The following TMEM239 variants were observed in gnomAD, a reference collection of about 807,000 sequenced individuals.
TMEM239 encodes the protein transmembrane protein 239.
TMEM239 carries 10 observed loss-of-function variants against 14.6 expected under a neutral mutation model. The observed-to-expected ratio is 0.68, with a 90% CI of 0.42 to 1.16. The LOEUF (loss-of-function observed/expected upper bound fraction) is 1.16, where lower values mean the gene tolerates loss of function less well. Among genes scored for constraint, TMEM239 ranks in the 50% most tolerant of loss-of-function variants. TMEM239 has a pLI of 0.00. For missense variants in TMEM239, 183 were observed against 194.4 expected (o/e 0.94, Z 0.35); for synonymous variants, 94 against 89.9 (o/e 1.05, Z -0.26).
rs528147776 is a variant in TMEM239, at chr20:2,816,461, G to A, written c.-12+46G>A. ...CTGTAGCCCCACCCCACGCACACTG[G>A]TGCCCTCCTGACCCCTGCACCCCCT... On this transcript the variant is annotated intron_variant, in intron 1 of 1. Transcript: ENST00000380585. 5.4e-3 allele frequency: 8,248 copies of A among 1,532,796 alleles called. 32 individuals are homozygous for A. Among genetic ancestry groups the A allele is most frequent in the Non-Finnish European group, 6.5e-3 (7,456 of 1,145,770 alleles). 94.9% of individuals were successfully genotyped at this position (1,532,796 alleles called of 1,614,324 possible). A position where few individuals can be genotyped will look rare whatever the true frequency, so the allele number is the denominator to read the frequency against.
chr20:2,816,219 G>T, upstream of TMEM239: 4 of 860,422 alleles, frequency 4.6e-6, no homozygotes, highest in Non-Finnish European at 7.2e-6. Context: ...TGCCAGCCTG[G>T]AGGGTCCGTG....
rs1406714651 is a variant in TMEM239 at position 2,816,741 on chromosome 20, TG to T, written c.191del (p.Gly64ValfsTer12). 2 of 1,550,630 alleles carry T rather than the reference TG, an allele frequency of 1.3e-6. No homozygotes were observed. The highest frequency in any genetic ancestry group is 2.4e-5 in the East Asian group (1 of 40,910). ...NWRQPLQRLLWGLEGILYLLL... is the reference protein window; with the variant it reads ...NWRQPLQRLLXGLEGILYLLL... The stretch of plus-strand genomic sequence containing the variant: ...GCGGCAACCGCTGCAGCGCCTGCTG[TG>T]GGGTCTGGAGGGGATACTCTACCTG... On this transcript the variant is annotated frameshift_variant, in exon 2 of 2. Transcript: ENST00000380585. LOFTEE classifies it high-confidence loss of function.
chr20:2,815,839 C>CCTTTT (rs3830832), upstream of TMEM239: 317,359 of 1,357,304 alleles, frequency 0.23, 41,644 homozygotes, highest in South Asian at 0.36. Context: ...CATCAGGCCC[C>CCTTTT]CTTTTCTCCT....
In TMEM239 at chr20:2,817,213, G is replaced by T. The variant is rs373456479; in HGVS notation, c.*200G>T. On this transcript the variant is annotated 3_prime_UTR_variant, in exon 2 of 2. Transcript: ENST00000380585. Reference sequence around the variant, plus strand: ...CAGGTTCCTGGTGTGAGGGGCTGGGGGCTTTGAGAAGAGGGGGCAAGACAG... The same window carrying T: ...CAGGTTCCTGGTGTGAGGGGCTGGGTGCTTTGAGAAGAGGGGGCAAGACAG... 1 of 699,786 alleles carries T rather than the reference G, an allele frequency of 1.4e-6. No individual in the cohort carries two copies. Among genetic ancestry groups the T allele is most frequent in the Non-Finnish European group, 2.3e-6 (1 of 427,954 alleles). 43.3% of individuals were successfully genotyped at this position (699,786 alleles called of 1,614,324 possible). A position where few individuals can be genotyped will look rare whatever the true frequency, so the allele number is the denominator to read the frequency against.
Position 2,816,921 on chromosome 20 carries a change from T to G in TMEM239, c.367T>G (p.Ser123Ala). 1 of 1,539,708 alleles carries G rather than the reference T, an allele frequency of 6.5e-7. No individual in the cohort carries two copies. Among genetic ancestry groups the G allele is most frequent in the South Asian group, 1.2e-5 (1 of 84,054 alleles). Reference sequence around the variant, plus strand: ...TCTGCCTGCCCTCCTCTTCACGGCCTCCTTCCTGCTGCTCTTCTCCACACT... The same window carrying G: ...TCTGCCTGCCCTCCTCTTCACGGCCGCCTTCCTGCTGCTCTTCTCCACACT... ...SALPALLFTA[S>A]FLLLFSTLLS... The change falls in exon 2 of 2, where the codon TCC (serine) becomes GCC (alanine). Residue 123 changes from serine to alanine, a missense_variant. Physicochemically the swap from Ser to Ala is moderately conservative, Grantham distance 99. Coordinates refer to ENST00000380585, the MANE Select transcript of TMEM239 (RefSeq NM_001167670.3).
At chr20:2,816,284 C>A (rs2088667690), upstream of TMEM239, 2 of 1,494,382 alleles carry the variant, frequency 1.3e-6, no homozygotes, top group African/African-American at 2.8e-5. Flanking sequence ...TTGGCTGGAC[C>A]CCACCCCAGC....
downstream of TMEM239, chr20:2,818,827 G>T (rs1482993634): frequency 6.6e-6 from 1 of 152,256 alleles, no homozygotes; most frequent in Admixed American, 6.5e-5. Context: ...TGGCATGTGA[G>T]TGAAGGACCT....
chr20:2,816,117 CA>C (rs1481104409), upstream of TMEM239, among the ~76,000 whole-genome samples: 10 of 152,140 alleles, frequency 6.6e-5, no homozygotes, highest in African/African-American at 2.4e-4. Context: ...GGATATCAGC[CA>C]GCAGGGAAAG....
rs1174155382 is a variant in TMEM239 at position 2,816,834 on chromosome 20, C to A, written c.280C>A (p.Pro94Thr). Residue 94 changes from proline (P) to threonine (T), a missense_variant, in exon 2 of 2, where the codon CCT becomes ACT. By Grantham distance (38) the Pro-to-Thr change is conservative. Coordinates refer to ENST00000380585, the MANE Select transcript of TMEM239 (RefSeq NM_001167670.3). ...CTCCCACCTGCTGAGCTCCTTGTGGCCTGTCGTGGCCGCGGTGTGGCGCCA... is the reference window on the plus strand; with the variant it reads ...CTCCCACCTGCTGAGCTCCTTGTGGACTGTCGTGGCCGCGGTGTGGCGCCA... The part of the protein sequence containing the change: ...TGSHLLSSLW[P>T]VVAAVWRHLL... 1.9e-6 allele frequency: 3 copies of A among 1,549,650 alleles called. No homozygotes were observed. The highest frequency in any genetic ancestry group is 4.9e-5 in the East Asian group (2 of 40,936).
rs139086704 is a variant in TMEM239 at position 2,816,840 on chromosome 20, G to A, written c.286G>A (p.Val96Met). ...CCTGCTGAGCTCCTTGTGGCCTGTC[G>A]TGGCCGCGGTGTGGCGCCACCTGCT... ...SHLLSSLWPV[V>M]AAVWRHLLPA... Residue 96 changes from valine (V) to methionine (M), a missense_variant, in exon 2 of 2, where the codon GTG becomes ATG. Val to Met is a conservative substitution (Grantham distance 21, BLOSUM62 1). Coordinates refer to ENST00000380585, the MANE Select transcript of TMEM239 (RefSeq NM_001167670.3). The A allele has an allele frequency of 4.8e-5, 74 of 1,549,034 alleles. No individual in the cohort carries two copies. In the Admixed American group the frequency reaches 1.1e-3, roughly 23 times the overall value.
chr20:2,819,146 T>TG (rs1034786015), downstream of TMEM239: 1 of 152,270 alleles, frequency 6.6e-6, no homozygotes, highest in African/African-American at 2.4e-5. Context: ...CCAGGCTGCC[T>TG]GGCCTAGATC....
At position 2,816,875 on chromosome 20, in the gene TMEM239, C is replaced by T. The variant is rs765141732; in HGVS notation, c.321C>T (p.Leu107=). 16 of 1,544,868 alleles carry T rather than the reference C, an allele frequency of 1.0e-5. No homozygotes were observed. Among genetic ancestry groups the T allele is most frequent in the Non-Finnish European group, 1.4e-5 (16 of 1,146,994 alleles). Residue 107 remains leucine, a synonymous_variant, in exon 2 of 2, where the codon CTC becomes CTT. Transcript: ENST00000380585. ...TGTGGCGCCACCTGCTACCGGCTCT[C>T]CTGCTGCTGGTGCTCAGTGCTCTGC... The part of the protein sequence containing the change: ...AAVWRHLLPA[L]LLLVLSALPA...
chr20:2,816,162 C>T (rs142226439), upstream of TMEM239: 280 of 622,960 alleles, frequency 4.5e-4, 2 homozygotes, highest in East Asian at 6.5e-3. Context: ...GAGGGCTTCC[C>T]ATGAGAAAGC....
chr20:2,816,745 G>A lies in TMEM239; in HGVS notation c.191G>A (p.Gly64Asp), dbSNP rs1334404377. Reference protein sequence around the residue: ...WRQPLQRLLWGLEGILYLLLA... With the variant: ...WRQPLQRLLWDLEGILYLLLA... ...CAACCGCTGCAGCGCCTGCTGTGGG[G>A]TCTGGAGGGGATACTCTACCTGCTG... The change falls in exon 2 of 2, where the codon GGT becomes GAT. Residue 64 changes from glycine (G) to aspartate (D), a missense_variant. Coordinates refer to ENST00000380585, the MANE Select transcript of TMEM239 (RefSeq NM_001167670.3). The A allele has an allele frequency of 7.1e-6, 11 of 1,550,724 alleles. No homozygotes were observed. The highest frequency in any genetic ancestry group is 1.4e-5 in the African/African-American group (1 of 73,042).
At chr20:2,820,161 G>A (rs1345053187), downstream of TMEM239, 3 of 152,068 alleles carry the variant, frequency 2.0e-5, no homozygotes, top group Non-Finnish European at 4.4e-5. Flanking sequence ...GACAATTTTT[G>A]GCAAGAACAC....
At chr20:2,815,860 G>A, upstream of TMEM239, 4 of 1,199,476 alleles carry the variant, frequency 3.3e-6, no homozygotes, top group Non-Finnish European at 3.6e-6. Flanking sequence ...TCCTGGCTGG[G>A]CAGGTGGGAT....
At chr20:2,819,121 T>A (rs1346929386), downstream of TMEM239, 1 of 152,268 alleles carries the variant, frequency 6.6e-6, no homozygotes, top group Non-Finnish European at 1.5e-5. Flanking sequence ...GGATCCCATG[T>A]GGTGAGGGCA....
rs1600279482 is a variant in TMEM239, at chr20:2,816,663, T to G, written c.109T>G (p.Trp37Gly). The change falls in exon 2 of 2, where the codon TGG becomes GGG. Residue 37 changes from tryptophan (W) to glycine (G), a missense_variant. Coordinates refer to ENST00000380585, the MANE Select transcript of TMEM239 (RefSeq NM_001167670.3). ...WVTRHGWVRW[W>G]VSHMPPSWIQ... ...CACGAGGCATGGCTGGGTGCGCTGG[T>G]GGGTGAGCCACATGCCCCCGAGCTG... is the stretch of plus-strand genomic sequence containing the variant. 1.9e-6 allele frequency: 3 copies of G among 1,542,428 alleles called. No individual in the cohort carries two copies. The highest frequency in any genetic ancestry group is 2.6e-6 in the Non-Finnish European group (3 of 1,146,102).
upstream of TMEM239, chr20:2,816,313 C>G (rs771478304): frequency 1.6e-5 from 24 of 1,534,658 alleles, no homozygotes; most frequent in Non-Finnish European, 2.0e-5. Flanking sequence ...CAAAGGGGCT[C>G]CTCTGGGGAG....
Sources: gnomAD v4.1 joint callset for allele counts (sites outside exome capture counted in the v4.1 genomes callset) on GRCh38, gnomAD v4.1.1 for gene constraint, MANE v1.5 for transcripts, NCBI Gene and HGNC (gene_info 2026-07-23, HGNC 2026-07-21) for gene names.